The following TSNARE1 variants were observed in gnomAD, a reference collection of about 807,000 sequenced individuals.
TSNARE1 encodes the protein t-SNARE domain containing 1.
In TSNARE1, 49 loss-of-function variants were observed where a neutral mutation model predicts 62.0. The ratio of observed to expected loss-of-function variants is 0.79; its 90% CI spans 0.63 to 1.00. TSNARE1 has a LOEUF of 1.00. Ranked by LOEUF, TSNARE1 falls within the 50% of genes least tolerant of loss-of-function variation. The pLI is 0.00. For missense variants in TSNARE1, 755 were observed against 700.1 expected (o/e 1.08, Z -0.88); for synonymous variants, 328 against 294.4 (o/e 1.11, Z -1.17).
intron 9 of TSNARE1, among the ~76,000 whole-genome samples, chr8:142,313,529 C>G (rs1160033451): frequency 1.3e-5 from 2 of 152,036 alleles, no homozygotes; most frequent in African/African-American, 4.8e-5. Flanking sequence ...CTGTGTTTAT[C>G]TGCATGGGTC....
In TSNARE1 at chr8:142,229,545, G is replaced by A. The variant is rs2130071542; in HGVS notation, c.1481C>T (p.Ser494Leu). 4 of 1,614,100 alleles carry A rather than the reference G, an allele frequency of 2.5e-6. No individual in the cohort carries two copies. The highest frequency in any genetic ancestry group is 1.3e-5 in the African/African-American group (1 of 75,030). The change falls in exon 13 of 14, where the codon TCA (serine) becomes TTA (leucine). Residue 494 changes from serine (S) to leucine (L), a missense_variant. By Grantham distance (145) the Ser-to-Leu change is moderately radical. Transcript: ENST00000524325. Reference protein sequence around the residue: ...QRHKIKCCFLSAGVTALLVII... With the variant: ...QRHKIKCCFLLAGVTALLVII... ...GACAAGCAGGGCAGTGACTCCAGCT[G>A]ATAGGAAGCAGCACTTGATCTTGTG... is the stretch of plus-strand genomic sequence containing the variant.
intron 4 of TSNARE1, among the ~76,000 whole-genome samples, chr8:142,339,762 G>A (rs1308908773): frequency 6.6e-6 from 1 of 152,248 alleles, no homozygotes; most frequent in Non-Finnish European, 1.5e-5. Context: ...GTGGCAGATG[G>A]ACACATCAAA....
intron 9 of TSNARE1, 30 bp from the exon 10 acceptor site, chr8:142,300,674 C>A: frequency 1.3e-6 from 2 of 1,591,254 alleles, no homozygotes; most frequent in South Asian, 1.1e-5. Flanking sequence ...CTTGTTAGCA[C>A]TGACCCCTCC....
chr8:142,282,870 G>C lies in TSNARE1; in HGVS notation c.1363+1543C>G, dbSNP rs1419577154. Among the ~76,000 whole-genome samples, 32 of 121,912 alleles carry C rather than the reference G, an allele frequency of 2.6e-4. No individual in the cohort carries two copies. In the East Asian group the frequency reaches 2.7e-3, roughly 10 times the overall value. The allele number at this position is 121,912 out of a possible 152,430, so 80.0% of individuals were successfully genotyped here. ...GCCAGTGTCTATCAATGAGCAGAGG[G>C]GAGGCCACTGTCTGTCAATGAGCAG... On this transcript the variant is annotated intron_variant, in intron 11 of 13. Transcript: ENST00000524325.
intron 13 of TSNARE1, 87 bp downstream of exon 13, chr8:142,229,386 G>C (rs1408430684): frequency 9.3e-7 from 1 of 1,070,970 alleles, no homozygotes; most frequent in Non-Finnish European, 1.4e-6. Context: ...ATGGATGGTG[G>C]ATGGTTAGAT....
intron 9 of TSNARE1, among the ~76,000 whole-genome samples, chr8:142,305,879 G>A (rs999903887): frequency 1.3e-5 from 2 of 152,188 alleles, no homozygotes; most frequent in Admixed American, 6.5e-5. Flanking sequence ...ATGCTCTAAC[G>A]TGAGTGCTGG....
chr8:142,331,800 C>T lies in TSNARE1; in HGVS notation c.777G>A (p.Glu259=). The change falls in exon 5 of 14, where the codon GAG becomes GAA. Residue 259 remains glutamate, a synonymous_variant. Transcript: ENST00000524325. ...ATQVDPCNLQ[E]LFQEMSANVF... is the part of the protein sequence containing the mutation. ...CGTTGGCCGACATCTCCTGGAACAG[C>T]TCCTGGAGGTTGCACGGATCGACCT... 1.2e-6 allele frequency: 2 copies of T among 1,608,894 alleles called. No homozygotes were observed. The highest frequency in any genetic ancestry group is 1.7e-6 in the Non-Finnish European group (2 of 1,177,776).
At chr8:142,355,915 C>G (rs556641306) in intron 1 of TSNARE1, among the ~76,000 whole-genome samples, 1 of 152,306 alleles carries the variant, frequency 6.6e-6, no homozygotes, top group Non-Finnish European at 1.5e-5. Context: ...AGGACACCAT[C>G]GACCCAGTGG....
chr8:142,352,365 G>A (rs1478543319), intron 2 of TSNARE1, among the ~76,000 whole-genome samples: 1 of 152,366 alleles, frequency 6.6e-6, no homozygotes, highest in South Asian at 2.1e-4. Flanking sequence ...AGACATCACC[G>A]TCCGACACCC....
At chr8:142,403,392 C>G (rs1489504005), upstream of TSNARE1, among the ~76,000 whole-genome samples, 2 of 152,012 alleles carry the variant, frequency 1.3e-5, no homozygotes, top group African/African-American at 2.4e-5. Context: ...TCCGTTTCCC[C>G]GTTTCCCCGT....
intron 9 of TSNARE1, among the ~76,000 whole-genome samples, chr8:142,307,346 G>T (rs192492005): frequency 2.0e-5 from 3 of 152,204 alleles, no homozygotes; most frequent in African/African-American, 7.2e-5. Context: ...GTGTCACTGC[G>T]TGGGGGCTGC....
intron 1 of TSNARE1, among the ~76,000 whole-genome samples, chr8:142,388,640 C>A (rs1837276515): frequency 6.7e-6 from 1 of 148,414 alleles, no homozygotes. Flanking sequence ...TCACTGCAAC[C>A]TCCACCTCGC....
chr8:142,354,660 G>A lies in TSNARE1; in HGVS notation c.65C>T (p.Ser22Leu), dbSNP rs752925283. Reference protein sequence around the residue: ...LGSRGPFGGPSRQGCQPLECA... With the variant: ...LGSRGPFGGPLRQGCQPLECA... ...ACCTAGGGGCTGACAGCCTTGTCTC[G>A]AAGGTCCCCCGAAAGGGCCACGGCT... The change falls in exon 2 of 14, where the codon TCG (serine) becomes TTG (leucine). Residue 22 changes from serine (S) to leucine (L), a missense_variant. By Grantham distance (145) the Ser-to-Leu change is moderately radical (BLOSUM62 -2). Transcript: ENST00000524325. 2.2e-5 allele frequency: 36 copies of A among 1,612,544 alleles called. No individual in the cohort carries two copies. In the East Asian group the frequency reaches 3.1e-4, roughly 14 times the overall value.
At chr8:142,396,299 G>A (rs11167139) in intron 1 of TSNARE1, among the ~76,000 whole-genome samples, 152,021 of 152,224 alleles carry the variant, frequency 1, 75,912 homozygotes, top group Middle Eastern at 1. Context: ...GCTTGACTCA[G>A]CTAGACACCA....
intron 11 of TSNARE1, chr8:142,278,676 G>C (rs535772291): frequency 1.0e-6 from 1 of 985,446 alleles, no homozygotes; most frequent in East Asian, 1.1e-4. Flanking sequence ...TGCAGACGAG[G>C]CCTGACCAGA....
At chr8:142,299,602 T>TATGCATGCACTTACAC (rs1375207609) in intron 10 of TSNARE1, among the ~76,000 whole-genome samples, 1 of 151,346 alleles carries the variant, frequency 6.6e-6, no homozygotes, top group African/African-American at 2.4e-5. Flanking sequence ...CTCACTCACA[T>TATGCATGCACTTACAC]ATGCATGCAC....
intron 12 of TSNARE1, chr8:142,270,880 G>C: frequency 3.0e-6 from 3 of 985,524 alleles, no homozygotes; most frequent in Non-Finnish European, 3.6e-6. Flanking sequence ...TTTCCCTGCA[G>C]GTCACCACCC....
intron 12 of TSNARE1, among the ~76,000 whole-genome samples, chr8:142,268,103 C>T (rs561829284): frequency 3.9e-5 from 6 of 152,218 alleles, no homozygotes; most frequent in Non-Finnish European, 7.3e-5. Flanking sequence ...TCCAGAAACA[C>T]CCTTGCCCTC....
chr8:142,344,013 G>A lies in TSNARE1; in HGVS notation c.698C>T (p.Ser233Phe). Reference protein sequence around the residue: ...PVEQVVAKTFSCQALPSEGFS... With the variant: ...PVEQVVAKTFFCQALPSEGFS... The stretch of plus-strand genomic sequence containing the variant: ...GCCCTCGGAGGGCAGGGCCTGGCAA[G>A]AGAAGGTCTTGGCCACCACCTGCTC... The change falls in exon 4 of 14, where the codon TCT becomes TTT. Residue 233 changes from serine to phenylalanine, a missense_variant. By Grantham distance (155) the Ser-to-Phe change is radical. Coordinates refer to ENST00000524325, the MANE Select transcript of TSNARE1 (RefSeq NM_145003.5). 6.4e-7 allele frequency: 1 copy of A among 1,558,880 alleles called. No individual in the cohort carries two copies. Among genetic ancestry groups the A allele is most frequent in the Non-Finnish European group, 8.7e-7 (1 of 1,150,704 alleles).
Sources: allele counts gnomAD v4.1 joint callset (sites outside exome capture counted in the v4.1 genomes callset), GRCh38; gene constraint gnomAD v4.1.1; transcripts MANE v1.5; gene names NCBI Gene and HGNC (gene_info 2026-07-23, HGNC 2026-07-21).